The following NXNL2 variants were observed in gnomAD, a reference collection of about 807,000 sequenced individuals.
NXNL2 encodes nucleoredoxin-like protein 2.
Under a neutral mutation model 11.1 loss-of-function variants are expected in NXNL2, and 7 were observed. The observed-to-expected ratio is 0.63, with a 90% CI of 0.36 to 1.18. NXNL2 has a LOEUF of 1.18. Among genes scored for constraint, NXNL2 ranks in the 50% most tolerant of loss-of-function variants. The pLI is 0.02. For synonymous variants in NXNL2, 109 were observed against 101.8 expected, an observed-to-expected ratio of 1.07 and a Z score of -0.42; for missense variants, 233 against 217.7, an observed-to-expected ratio of 1.07 and a Z score of -0.44.
At chr9:88,561,381 G>A (rs959368491) in intron 1 of NXNL2, among the ~76,000 whole-genome samples, 1 of 149,984 alleles carries the variant, frequency 6.7e-6, no homozygotes, top group African/African-American at 2.5e-5. Flanking sequence ...TCTTGTGATT[G>A]TGTAAATTAA....
exon 2 of NXNL2, chr9:88,571,148 C>T (rs573565515): frequency 8.3e-6 from 3 of 363,438 alleles, no homozygotes; most frequent in African/African-American, 4.5e-5. Flanking sequence ...TCACTGCAAC[C>T]TTTGCCTCCT....
At chr9:88,581,928 A>G (rs569621759) in intron 1 of NXNL2, among the ~76,000 whole-genome samples, 1 of 152,240 alleles carries the variant, frequency 6.6e-6, no homozygotes, top group South Asian at 2.1e-4. Flanking sequence ...AGATGACCAC[A>G]TTTGTGGCCG....
chr9:88,569,137 C>T (rs1830223043), intron 1 of NXNL2, among the ~76,000 whole-genome samples: 1 of 152,098 alleles, frequency 6.6e-6, no homozygotes, highest in African/African-American at 2.4e-5. Flanking sequence ...CGCCATGTTG[C>T]CCAGGCTGGT....
At position 88,544,545 on chromosome 9, in the gene NXNL2, T is replaced by A; in HGVS notation, c.469T>A (p.Ter157ArgextTer33). Residue 157 changes from the stop codon to arginine (R), a stop_lost, in exon 2 of 2, where the codon TGA becomes AGA. Transcript: ENST00000375854. The stretch of plus-strand genomic sequence containing the variant: ...CGATATCTTCCAGAATTTCTCCGTT[T>A]GAAGTGGGAGGGACCTCAGAGGGCC... ...AADIFQNFSV[*>R] The A allele has an allele frequency of 6.5e-7, 1 of 1,529,704 alleles. No individual in the cohort carries two copies. The highest frequency in any genetic ancestry group is 8.8e-7 in the Non-Finnish European group (1 of 1,135,874). 94.8% of individuals were successfully genotyped at this position (1,529,704 alleles called of 1,614,324 possible).
chr9:88,561,628 G>A (rs1168686616), intron 1 of NXNL2, among the ~76,000 whole-genome samples: 1 of 152,116 alleles, frequency 6.6e-6, no homozygotes, highest in African/African-American at 2.4e-5. Context: ...GGGAAAGGTA[G>A]GGGTGTGGGG....
At chr9:88,550,665 C>A (rs769768684) in intron 1 of NXNL2, among the ~76,000 whole-genome samples, 1 of 152,172 alleles carries the variant, frequency 6.6e-6, no homozygotes, top group Non-Finnish European at 1.5e-5. Flanking sequence ...AGAAAGGAAT[C>A]TTGAGCTCTG....
At chr9:88,575,097 G>GTT (rs1830329685) in exon 3 of NXNL2, 1 of 982,510 alleles carries the variant, frequency 1.0e-6, no homozygotes, top group Non-Finnish European at 1.2e-6. Flanking sequence ...CCATTGCTGT[G>GTT]AATTACGTGA....
intron 1 of NXNL2, among the ~76,000 whole-genome samples, chr9:88,556,870 G>T (rs1398798312): frequency 1.3e-5 from 2 of 151,990 alleles, no homozygotes; most frequent in Non-Finnish European, 2.9e-5. Flanking sequence ...GAGCTCAGGA[G>T]GTCGAGACCA....
intron 1 of NXNL2, among the ~76,000 whole-genome samples, chr9:88,566,615 T>C (rs1367258008): frequency 1.3e-5 from 2 of 152,170 alleles, no homozygotes; most frequent in Non-Finnish European, 2.9e-5. Flanking sequence ...TCCCTTATGT[T>C]TTCTTTTAGG....
intron 1 of NXNL2, among the ~76,000 whole-genome samples, chr9:88,581,489 G>A (rs890939791): frequency 2.0e-5 from 3 of 151,622 alleles, no homozygotes; most frequent in Admixed American, 1.3e-4. Context: ...GGCTGCAGGA[G>A]TGCAATGGCG....
intron 1 of NXNL2, among the ~76,000 whole-genome samples, chr9:88,550,943 G>A (rs929548831): frequency 2.6e-5 from 4 of 152,116 alleles, no homozygotes; most frequent in African/African-American, 9.7e-5. Flanking sequence ...TTGTTTTCTA[G>A]GTTGCTTATT....
In NXNL2 at chr9:88,535,199, G is replaced by T. The variant is rs1361041057; in HGVS notation, c.-236G>T. On this transcript the variant is annotated 5_prime_UTR_variant, in exon 1 of 2. Coordinates refer to ENST00000375854, the MANE Select transcript of NXNL2 (RefSeq NM_001161625.2). Reference sequence around the variant, plus strand: ...TCCCAGAGGCGGGTGCCGCGCTGTCGCCCAGGTATCTGGGGTCTCTGGTGT... The same window carrying T: ...TCCCAGAGGCGGGTGCCGCGCTGTCTCCCAGGTATCTGGGGTCTCTGGTGT... 2 of 534,494 alleles carry T rather than the reference G, an allele frequency of 3.7e-6. No homozygotes were observed. The highest frequency in any genetic ancestry group is 6.5e-6 in the Non-Finnish European group (2 of 307,732). 33.1% of individuals were successfully genotyped at this position (534,494 alleles called of 1,614,324 possible).
intron 1 of NXNL2, among the ~76,000 whole-genome samples, chr9:88,581,990 T>A (rs1451490633): frequency 2.0e-5 from 3 of 152,214 alleles, no homozygotes; most frequent in Non-Finnish European, 2.9e-5. Context: ...CATCTCCTTA[T>A]GGACTTCGGC....
intron 1 of NXNL2, among the ~76,000 whole-genome samples, chr9:88,536,141 A>G (rs974929739): frequency 6.6e-6 from 1 of 152,092 alleles, no homozygotes; most frequent in Admixed American, 6.5e-5. Context: ...TCATCCTCCC[A>G]GTTAGTGGGC....
chr9:88,537,279 G>A (rs1259671024), intron 1 of NXNL2, among the ~76,000 whole-genome samples: 4 of 152,110 alleles, frequency 2.6e-5, no homozygotes, highest in Admixed American at 6.5e-5. Flanking sequence ...TCTTTCTGCC[G>A]TGCCCTACTT....
chr9:88,573,801 A>G (rs1053664091), intron 2 of NXNL2, among the ~76,000 whole-genome samples: 7 of 152,242 alleles, frequency 4.6e-5, no homozygotes, highest in African/African-American at 1.7e-4. Flanking sequence ...TTTTGCCACA[A>G]TTTTAAAAAA....
At chr9:88,537,711 A>C (rs998394684) in intron 1 of NXNL2, among the ~76,000 whole-genome samples, 6 of 151,896 alleles carry the variant, frequency 4.0e-5, no homozygotes, top group Non-Finnish European at 8.8e-5. Context: ...CCTTGCTCCA[A>C]CTCTCCGGGG....
intron 1 of NXNL2, among the ~76,000 whole-genome samples, chr9:88,565,947 T>G (rs1257606481): frequency 6.6e-6 from 1 of 152,246 alleles, no homozygotes; most frequent in Non-Finnish European, 1.5e-5. Flanking sequence ...GTTGAAAATC[T>G]TTTCATATAC....
At chr9:88,583,642 A>AT (rs1830432405) in intron 1 of NXNL2, among the ~76,000 whole-genome samples, 1 of 152,284 alleles carries the variant, frequency 6.6e-6, no homozygotes, top group South Asian at 2.1e-4. Flanking sequence ...GTGGTTTATC[A>AT]TTGCTGTGGA....
Sources: allele counts gnomAD v4.1 joint callset (sites outside exome capture counted in the v4.1 genomes callset), GRCh38; gene constraint gnomAD v4.1.1; transcripts MANE v1.5; gene names NCBI Gene and HGNC (gene_info 2026-07-23, HGNC 2026-07-21).